CHN2: variants seen among roughly 807,000 people sequenced by gnomAD.
CHN2 encodes the protein chimerin 2, also known as beta-chimaerin.
In CHN2, 35 loss-of-function variants were observed where a neutral mutation model predicts 56.3. The observed-to-expected ratio is 0.62, with a 90% CI of 0.47 to 0.82. CHN2 has a LOEUF of 0.82. CHN2 is among the 40% of genes least tolerant of loss of function. The pLI is 0.00. For synonymous variants in CHN2, 210 were observed against 212.8 expected (o/e 0.99, Z 0.12); for missense variants, 491 against 580.5 (o/e 0.85, Z 1.58).
chr7:29,151,623 G>A (rs1454705918), intron 2 of CHN2, among the ~76,000 whole-genome samples: 1 of 152,088 alleles, frequency 6.6e-6, no homozygotes, highest in Admixed American at 6.6e-5. Context: ...TCAGCCCTGC[G>A]AGGTATATAT....
intron 1 of CHN2, among the ~76,000 whole-genome samples, chr7:29,208,127 G>T (rs1784656946): frequency 6.6e-6 from 1 of 152,058 alleles, no homozygotes; most frequent in South Asian, 2.1e-4. Context: ...TCTGTTAATT[G>T]GAGGAAGATT....
At chr7:29,169,114 C>T (rs1796284021) in intron 2 of CHN2, among the ~76,000 whole-genome samples, 1 of 151,546 alleles carries the variant, frequency 6.6e-6, no homozygotes, top group African/African-American at 2.4e-5. Context: ...TGGAATTTTC[C>T]CCATTTTATT....
chr7:29,349,959 C>T (rs911593868), intron 1 of CHN2, among the ~76,000 whole-genome samples: 2 of 152,182 alleles, frequency 1.3e-5, no homozygotes, highest in South Asian at 2.1e-4. Context: ...TTATGCAATG[C>T]GTGTGTGTGC....
At chr7:29,336,882 G>A (rs1207121879) in intron 1 of CHN2, among the ~76,000 whole-genome samples, 1 of 151,380 alleles carries the variant, frequency 6.6e-6, no homozygotes, top group Non-Finnish European at 1.5e-5. Context: ...CCCTGGCACA[G>A]GGCCTGGCAA....
At chr7:29,444,032 G>A (rs1783859626) in intron 6 of CHN2, among the ~76,000 whole-genome samples, 1 of 152,120 alleles carries the variant, frequency 6.6e-6, no homozygotes, top group Non-Finnish European at 1.5e-5. Context: ...TGCTTATAGA[G>A]CAACTTTCCA....
intron 6 of CHN2, among the ~76,000 whole-genome samples, chr7:29,428,436 GCTCT>G (rs941052681): frequency 2.2e-4 from 33 of 152,108 alleles, no homozygotes; most frequent in African/African-American, 7.5e-4. Context: ...ACATCCTATG[GCTCT>G]CTCTCTAAAT....
At chr7:29,300,133 G>T (rs1793538571) in intron 1 of CHN2, among the ~76,000 whole-genome samples, 1 of 152,154 alleles carries the variant, frequency 6.6e-6, no homozygotes, top group African/African-American at 2.4e-5. Flanking sequence ...CAATCTGTGA[G>T]GCAGGAAGCC....
chr7:29,360,246 G>A (rs894847122), intron 2 of CHN2, among the ~76,000 whole-genome samples: 3 of 152,212 alleles, frequency 2.0e-5, no homozygotes, highest in African/African-American at 7.2e-5. Context: ...TTCTGGCCGG[G>A]TGCAGTGGCT....
chr7:29,462,143 A>G (rs755156413), intron 6 of CHN2, among the ~76,000 whole-genome samples: 21 of 152,234 alleles, frequency 1.4e-4, no homozygotes, highest in Admixed American at 1.0e-3. Context: ...ACTTAGTGTC[A>G]TATATAACAC....
intron 1 of CHN2, among the ~76,000 whole-genome samples, chr7:29,218,519 C>T (rs1334587425): frequency 6.6e-6 from 1 of 152,006 alleles, no homozygotes; most frequent in Non-Finnish European, 1.5e-5. Context: ...TTTATAGCGG[C>T]ACTATTCACA....
At chr7:29,436,904 A>T (rs1783266542) in intron 6 of CHN2, among the ~76,000 whole-genome samples, 1 of 151,512 alleles carries the variant, frequency 6.6e-6, no homozygotes, top group Non-Finnish European at 1.5e-5. Flanking sequence ...CTTTTTTTTT[A>T]AGCTACACTT....
chr7:29,165,217 A>G (rs780481667), intron 2 of CHN2, among the ~76,000 whole-genome samples: 3 of 151,508 alleles, frequency 2.0e-5, no homozygotes, highest in Non-Finnish European at 4.4e-5. Context: ...TATCTCAACA[A>G]TGTTTTATGG....
rs563505885 is a variant in CHN2, at chr7:29,242,819, T to C, written c.49+47829T>C. ...AGAAAAGTGAAAGATTCAGATGACA[T>C]TTCTATGAGGAAAGTGGTAATTGTG... is the stretch of plus-strand genomic sequence containing the variant. On this transcript the variant is annotated intron_variant, in intron 1 of 12. Coordinates refer to ENST00000222792, the MANE Select transcript of CHN2 (RefSeq NM_004067.4). Among the ~76,000 whole-genome samples the C allele has an allele frequency of 7.6e-5, 11 of 145,594 alleles. No homozygotes were observed. The South Asian group carries it at 1.3e-3, about 17-fold the overall frequency.
chr7:29,378,828 G>A (rs1236666476), intron 3 of CHN2, among the ~76,000 whole-genome samples: 1 of 152,194 alleles, frequency 6.6e-6, no homozygotes. Flanking sequence ...AGCTGGGTGT[G>A]GTGGCACATG....
At chr7:29,479,818 G>A in intron 6 of CHN2, 1 of 1,262,942 alleles carries the variant, frequency 7.9e-7, no homozygotes, top group Non-Finnish European at 1.0e-6. Flanking sequence ...TGAATCCTCA[G>A]TGGCTGACTG....
At chr7:29,261,817 A>G (rs1789578684) in intron 1 of CHN2, among the ~76,000 whole-genome samples, 1 of 152,242 alleles carries the variant, frequency 6.6e-6, no homozygotes, top group African/African-American at 2.4e-5. Context: ...ACAAAATTGT[A>G]TGTTAGATAT....
chr7:29,202,485 G>A (rs1177558465), intron 1 of CHN2, among the ~76,000 whole-genome samples: 1 of 152,208 alleles, frequency 6.6e-6, no homozygotes. Context: ...TGGGAAGGTG[G>A]AAGGTGTCTT....
chr7:29,337,688 A>G (rs1287735142), intron 1 of CHN2, among the ~76,000 whole-genome samples: 2 of 152,218 alleles, frequency 1.3e-5, no homozygotes, highest in African/African-American at 4.8e-5. Context: ...TGATAAATGC[A>G]TGCTAATGCA....
intron 6 of CHN2, among the ~76,000 whole-genome samples, chr7:29,426,157 C>T (rs189124266): frequency 4.0e-4 from 53 of 132,426 alleles, no homozygotes; most frequent in African/African-American, 1.5e-3. Context: ...TGCAGTGAGC[C>T]GAGATCCTGC....
Sources: gnomAD v4.1 joint callset for allele counts (sites outside exome capture counted in the v4.1 genomes callset) on GRCh38, gnomAD v4.1.1 for gene constraint, MANE v1.5 for transcripts, NCBI Gene and HGNC (gene_info 2026-07-23, HGNC 2026-07-21) for gene names.